MARCHF1: variants seen among roughly 807,000 people sequenced by gnomAD.
The protein encoded by MARCHF1 is membrane associated ring-CH-type finger 1, also known as E3 ubiquitin-protein ligase MARCHF1.
In MARCHF1, 40 loss-of-function variants were observed where a neutral mutation model predicts 54.2. The observed-to-expected ratio is 0.74, with a 90% CI of 0.57 to 0.96. The LOEUF is 0.96. Among genes scored for constraint, MARCHF1 ranks in the 40% least tolerant of loss-of-function variants. The pLI is 0.00. For missense variants in MARCHF1, 586 were observed against 656.5 expected (o/e 0.89, Z 1.17); for synonymous variants, 236 against 236.3 (o/e 1.00, Z 0.01).
intron 4 of MARCHF1, among the ~76,000 whole-genome samples, chr4:163,728,883 G>A (rs1271794713): frequency 6.6e-6 from 1 of 152,152 alleles, no homozygotes; most frequent in Non-Finnish European, 1.5e-5. Flanking sequence ...CCTAATCTTA[G>A]CAGGAAAGCT....
intron 1 of MARCHF1, among the ~76,000 whole-genome samples, chr4:164,363,710 G>A (rs1287212084): frequency 6.6e-6 from 1 of 151,870 alleles, no homozygotes; most frequent in African/African-American, 2.4e-5. Context: ...AAACAAAACC[G>A]TCATTCAATG....
intron 1 of MARCHF1, among the ~76,000 whole-genome samples, chr4:164,276,314 T>C (rs1015174485): frequency 6.6e-5 from 10 of 152,152 alleles, no homozygotes; most frequent in African/African-American, 2.4e-4. Context: ...GTACTTATAT[T>C]TTTCGTCTTA....
At chr4:163,823,224 C>T (rs1031446034) in intron 4 of MARCHF1, among the ~76,000 whole-genome samples, 1 of 151,650 alleles carries the variant, frequency 6.6e-6, no homozygotes, top group African/African-American at 2.4e-5. Flanking sequence ...ATTCTAATTG[C>T]TTTTCCAGGT....
chr4:164,169,441 T>C (rs1170428058), intron 1 of MARCHF1, among the ~76,000 whole-genome samples: 1 of 152,076 alleles, frequency 6.6e-6, no homozygotes, highest in African/African-American at 2.4e-5. Context: ...TTAAAGGCTT[T>C]TCATCATTTC....
At chr4:163,845,736 C>A (rs190231599) in intron 4 of MARCHF1, among the ~76,000 whole-genome samples, 2 of 152,034 alleles carry the variant, frequency 1.3e-5, no homozygotes, top group African/African-American at 4.8e-5. Flanking sequence ...GACTTTACTC[C>A]GTAGAGGAAA....
intron 2 of MARCHF1, among the ~76,000 whole-genome samples, chr4:164,012,004 C>T (rs529846752): frequency 1.4e-4 from 22 of 152,250 alleles, no homozygotes; most frequent in Admixed American, 3.9e-4. Flanking sequence ...AGAGTGCTCA[C>T]GGAGGGAGCA....
chr4:164,312,212 T>C (rs1342325866), intron 1 of MARCHF1, among the ~76,000 whole-genome samples: 1 of 151,892 alleles, frequency 6.6e-6, no homozygotes, highest in Non-Finnish European at 1.5e-5. Context: ...AGAAGCTTCA[T>C]GACAATGAAT....
At chr4:163,938,998 T>A (rs576510214) in intron 3 of MARCHF1, among the ~76,000 whole-genome samples, 1 of 152,216 alleles carries the variant, frequency 6.6e-6, no homozygotes, top group East Asian at 1.9e-4. Context: ...CCAAACCACA[T>A]CAGCACTTAA....
In MARCHF1 at chr4:163,799,181, A is replaced by T. The variant is rs1748008517; in HGVS notation, c.111+54840T>A. 2.0e-5 allele frequency among the ~76,000 whole-genome samples: 3 copies of T among 152,146 alleles called. No individual in the cohort carries two copies. In the South Asian group the frequency reaches 6.2e-4, roughly 31 times the overall value. On this transcript the variant is annotated intron_variant, in intron 4 of 9. Coordinates refer to ENST00000514618, the MANE Select transcript of MARCHF1 (RefSeq NM_001394959.1). ...TACGTTTCAAGTGTTCAGTAGCTGCATGTGGCTAGCAGCTCCCTATCTGGA... is the reference window on the plus strand; with the variant it reads ...TACGTTTCAAGTGTTCAGTAGCTGCTTGTGGCTAGCAGCTCCCTATCTGGA...
intron 4 of MARCHF1, among the ~76,000 whole-genome samples, chr4:163,730,049 A>C (rs1232570334): frequency 6.6e-6 from 1 of 151,876 alleles, no homozygotes; most frequent in Non-Finnish European, 1.5e-5. Flanking sequence ...ATGGTGTCCC[A>C]GTTATCCCTT....
chr4:163,791,331 A>G (rs1747769131), intron 4 of MARCHF1, among the ~76,000 whole-genome samples: 2 of 152,248 alleles, frequency 1.3e-5, no homozygotes, highest in South Asian at 4.1e-4. Flanking sequence ...CCACACACAT[A>G]TAGTATTACT....
intron 5 of MARCHF1, among the ~76,000 whole-genome samples, chr4:163,676,927 A>C (rs1191177094): frequency 6.6e-6 from 1 of 152,104 alleles, no homozygotes; most frequent in Non-Finnish European, 1.5e-5. Context: ...TATTAACCAC[A>C]AAAAAGCCAG....
At chr4:163,536,080 T>C (rs2044052) in intron 9 of MARCHF1, among the ~76,000 whole-genome samples, 79,789 of 152,052 alleles carry the variant, frequency 0.52, 21,723 homozygotes, top group Admixed American at 0.67. Flanking sequence ...TACGTCTCTT[T>C]ATTGGGAAAT....
intron 4 of MARCHF1, among the ~76,000 whole-genome samples, chr4:163,817,294 T>TATAC (rs750389044): frequency 3.9e-5 from 6 of 152,168 alleles, no homozygotes; most frequent in South Asian, 2.1e-4. Context: ...TGTGTATACA[T>TATAC]ATACATACAT....
intron 5 of MARCHF1, among the ~76,000 whole-genome samples, chr4:163,686,170 T>A (rs1032907823): frequency 3.9e-5 from 6 of 151,928 alleles, no homozygotes; most frequent in African/African-American, 1.5e-4. Context: ...ATAATAAAGT[T>A]CTAAACTCCA....
At chr4:164,306,401 C>T (rs1195265772) in intron 1 of MARCHF1, among the ~76,000 whole-genome samples, 1 of 152,096 alleles carries the variant, frequency 6.6e-6, no homozygotes, top group Non-Finnish European at 1.5e-5. Flanking sequence ...AAGTTAGAAA[C>T]AAGTCAAGGC....
chr4:163,574,145 C>G (rs1469620828), intron 8 of MARCHF1, among the ~76,000 whole-genome samples: 5 of 151,846 alleles, frequency 3.3e-5, no homozygotes. Flanking sequence ...CCTTCGCCCA[C>G]TTTTTGATGG....
At chr4:163,727,347 G>A (rs2101769) in intron 4 of MARCHF1, among the ~76,000 whole-genome samples, 46,733 of 148,604 alleles carry the variant, frequency 0.31, 8,861 homozygotes, top group Non-Finnish European at 0.44. Context: ...TCGCTCTGTC[G>A]CCCAGGCTGG....
intron 4 of MARCHF1, among the ~76,000 whole-genome samples, chr4:163,820,861 C>G (rs553941697): frequency 4.3e-4 from 65 of 152,118 alleles, no homozygotes; most frequent in African/African-American, 1.5e-3. Flanking sequence ...CCTGAAATAG[C>G]CTTCTAAGTT....
Sources: allele counts gnomAD v4.1 joint callset (sites outside exome capture counted in the v4.1 genomes callset), GRCh38; gene constraint gnomAD v4.1.1; transcripts MANE v1.5; gene names NCBI Gene and HGNC (gene_info 2026-07-23, HGNC 2026-07-21).